The following PPM1H variants were observed in gnomAD, a reference collection of about 807,000 sequenced individuals.
PPM1H encodes protein phosphatase 1H.
In PPM1H, 27 loss-of-function variants were observed where a neutral mutation model predicts 54.9. The ratio of observed to expected loss-of-function variants is 0.49; its 90% CI spans 0.36 to 0.68. The LOEUF is 0.68. PPM1H is among the 30% of genes least tolerant of loss of function. The probability of loss-of-function intolerance (pLI) is 0.00; values close to 1 mark genes in which losing one functional copy is unlikely to be tolerated. For missense variants in PPM1H, 596 were observed against 667.8 expected (o/e 0.89, Z 1.19); for synonymous variants, 305 against 270.8 (o/e 1.13, Z -1.24).
At chr12:62,845,359 G>C (rs1205637141) in intron 1 of PPM1H, among the ~76,000 whole-genome samples, 2 of 152,146 alleles carry the variant, frequency 1.3e-5, no homozygotes. Flanking sequence ...TCTAACTGTT[G>C]AGCCTATACC....
intron 5 of PPM1H, among the ~76,000 whole-genome samples, chr12:62,728,397 T>C (rs532499686): frequency 2.0e-5 from 3 of 152,274 alleles, no homozygotes; most frequent in African/African-American, 7.2e-5. Flanking sequence ...GTAGGGGAAT[T>C]GGATGTCTTT....
At chr12:62,932,249 G>A (rs911381648) in intron 1 of PPM1H, among the ~76,000 whole-genome samples, 1 of 152,010 alleles carries the variant, frequency 6.6e-6, no homozygotes, top group African/African-American at 2.4e-5. Flanking sequence ...TTAGGGATGC[G>A]GAAATGGAGG....
intron 4 of PPM1H, among the ~76,000 whole-genome samples, chr12:62,744,740 G>A (rs2076400958): frequency 6.6e-6 from 1 of 152,146 alleles, no homozygotes; most frequent in Non-Finnish European, 1.5e-5. Context: ...ACCGGATGTG[G>A]TGCACAGTCC....
chr12:62,707,510 T>C (rs2120409912), intron 6 of PPM1H, among the ~76,000 whole-genome samples: 1 of 152,330 alleles, frequency 6.6e-6, no homozygotes, highest in Admixed American at 6.5e-5. Flanking sequence ...TCATATCCAT[T>C]GTAACAAACT....
chr12:62,814,485 T>C (rs925630397), intron 2 of PPM1H, among the ~76,000 whole-genome samples: 8 of 152,164 alleles, frequency 5.3e-5, no homozygotes, highest in Admixed American at 3.3e-4. Context: ...CCCAATGCTG[T>C]GAAATTACAG....
intron 4 of PPM1H, among the ~76,000 whole-genome samples, chr12:62,750,778 C>G (rs2076438762): frequency 6.6e-6 from 1 of 152,170 alleles, no homozygotes; most frequent in Non-Finnish European, 1.5e-5. Flanking sequence ...AAACTAGATT[C>G]AGATCTGAAA....
Position 62,934,824 on chromosome 12 carries a change from G to T in PPM1H, c.-88C>A. On this transcript the variant is annotated 5_prime_UTR_variant, in exon 1 of 10. Transcript: ENST00000228705. The surrounding 1 kb of genome is among the most constrained non-coding windows in gnomAD (Gnocchi z 4.2). ...GCGCGGGGCATGCAGGCTGCGGTGG[G>T]CGCCGGGCGCACGGCGAGTCGGGCC... 8.1e-7 allele frequency: 1 copy of T among 1,231,366 alleles called. No individual in the cohort carries two copies. Among genetic ancestry groups the T allele is most frequent in the Non-Finnish European group, 1.0e-6 (1 of 976,638 alleles). The allele number at this position is 1,231,366 out of a possible 1,614,324, so 76.3% of individuals were successfully genotyped here.
At chr12:62,755,506 A>G in intron 4 of PPM1H, 1 of 666,460 alleles carries the variant, frequency 1.5e-6, no homozygotes, top group Non-Finnish European at 2.7e-6. Flanking sequence ...TGCTGAGTAT[A>G]TCATGGAATC....
intron 1 of PPM1H, among the ~76,000 whole-genome samples, chr12:62,872,434 T>A (rs997776764): frequency 6.6e-6 from 1 of 152,220 alleles, no homozygotes; most frequent in South Asian, 2.1e-4. Flanking sequence ...ATTTTACAAA[T>A]GGCATAGATG....
intron 2 of PPM1H, among the ~76,000 whole-genome samples, chr12:62,821,617 T>C (rs751722581): frequency 1.3e-5 from 2 of 152,174 alleles, no homozygotes; most frequent in Non-Finnish European, 2.9e-5. Context: ...GGGGCCAATA[T>C]TCAACATTCT....
At position 62,796,515 on chromosome 12, in the gene PPM1H, T is replaced by TAAAGGATATTAC. The variant is rs2076735113; in HGVS notation, c.756+5289_756+5300dup. On this transcript the variant is annotated intron_variant, in intron 3 of 9. Coordinates refer to ENST00000228705, the MANE Select transcript of PPM1H (RefSeq NM_020700.2). ...TTTACTTACATTTGCTAGTTCATTA[T>TAAAGGATATTAC]AAAGGATATTACAAAGGATATGGAT... 3.3e-5 allele frequency among the ~76,000 whole-genome samples: 5 copies of TAAAGGATATTAC among 152,346 alleles called. No individual in the cohort carries two copies. The South Asian group carries it at 1.0e-3, about 32-fold the overall frequency.
At chr12:62,659,102 C>G in intron 9 of PPM1H, 3 of 731,756 alleles carry the variant, frequency 4.1e-6, no homozygotes, top group Non-Finnish European at 7.5e-6. Context: ...ACAAATCTTA[C>G]TGTGCTGAGA....
chr12:62,749,747 C>T (rs1457939827), intron 4 of PPM1H, among the ~76,000 whole-genome samples: 2 of 152,182 alleles, frequency 1.3e-5, no homozygotes, highest in African/African-American at 2.4e-5. Flanking sequence ...AATTAAGCTC[C>T]TAAGCAAAAA....
At chr12:62,659,041 G>A (rs998844554) in intron 9 of PPM1H, 10 of 725,198 alleles carry the variant, frequency 1.4e-5, no homozygotes, top group South Asian at 4.0e-5. Context: ...AGTGGCTTCC[G>A]GAAGTTCCTG....
chr12:62,916,907 A>T (rs1244946149), intron 1 of PPM1H, among the ~76,000 whole-genome samples: 1 of 144,312 alleles, frequency 6.9e-6, no homozygotes, highest in Non-Finnish European at 1.5e-5. Context: ...AAATGAACAG[A>T]CCACTAGTTA....
At chr12:62,869,732 T>C (rs1014924144) in intron 1 of PPM1H, among the ~76,000 whole-genome samples, 1 of 152,186 alleles carries the variant, frequency 6.6e-6, no homozygotes, top group Admixed American at 6.5e-5. Context: ...TGAAACCGTG[T>C]ATGAGCTAAC....
intron 6 of PPM1H, among the ~76,000 whole-genome samples, chr12:62,708,712 G>A (rs1359165261): frequency 6.6e-6 from 1 of 151,996 alleles, no homozygotes; most frequent in Non-Finnish European, 1.5e-5. Context: ...GATAAAAATT[G>A]TATTTTTATT....
chr12:62,870,762 T>C (rs1010164749), intron 1 of PPM1H, among the ~76,000 whole-genome samples: 4 of 152,208 alleles, frequency 2.6e-5, no homozygotes, highest in African/African-American at 9.6e-5. Flanking sequence ...AGGATGTGAA[T>C]AGACGTTTTT....
At chr12:62,702,091 T>G (rs2076146938) in intron 6 of PPM1H, among the ~76,000 whole-genome samples, 1 of 152,234 alleles carries the variant, frequency 6.6e-6, no homozygotes, top group Non-Finnish European at 1.5e-5. Flanking sequence ...TCACTCTGCC[T>G]TAATAGCTAG....
Sources: gnomAD v4.1 joint callset for allele counts (sites outside exome capture counted in the v4.1 genomes callset) on GRCh38, gnomAD v4.1.1 for gene constraint, Gnocchi (gnomAD v3.1) non-coding constraint, MANE v1.5 for transcripts, NCBI Gene and HGNC (gene_info 2026-07-23, HGNC 2026-07-21) for gene names.